ZRANB3: variants seen among roughly 807,000 people sequenced by gnomAD.
The protein encoded by ZRANB3 is DNA annealing helicase and endonuclease ZRANB3.
ZRANB3 carries 125 observed loss-of-function variants against 133.8 expected under a neutral mutation model. The observed-to-expected ratio is 0.93, with a 90% CI of 0.81 to 1.08. The LOEUF is 1.08. Ranked by LOEUF, ZRANB3 falls within the 50% of genes least tolerant of loss-of-function variation. The pLI, the probability that ZRANB3 is intolerant of heterozygous loss-of-function variation, is 0.00. For synonymous variants in ZRANB3, 387 were observed against 432.7 expected (o/e 0.89, Z 1.31); for missense variants, 1,229 against 1,275.5 (o/e 0.96, Z 0.56).
intron 2 of ZRANB3, among the ~76,000 whole-genome samples, chr2:135,411,839 C>A (rs1267467431): frequency 6.6e-6 from 1 of 152,010 alleles, no homozygotes; most frequent in Non-Finnish European, 1.5e-5. Flanking sequence ...ATGGGTTCAC[C>A]AGAAGCCCAA....
At chr2:135,448,486 T>C (rs779608863) in intron 2 of ZRANB3, among the ~76,000 whole-genome samples, 1 of 152,178 alleles carries the variant, frequency 6.6e-6, no homozygotes, top group Non-Finnish European at 1.5e-5. Context: ...TACTAAGACA[T>C]TCACTATAAC....
intron 8 of ZRANB3, among the ~76,000 whole-genome samples, chr2:135,306,065 A>G (rs1016012655): frequency 1.3e-5 from 2 of 152,070 alleles, no homozygotes; most frequent in Non-Finnish European, 2.9e-5. Context: ...AGACCTTTTC[A>G]GGTTGTATCT....
intron 9 of ZRANB3, among the ~76,000 whole-genome samples, chr2:135,273,234 T>TA (rs1408769467): frequency 6.6e-6 from 1 of 151,484 alleles, no homozygotes; most frequent in Non-Finnish European, 1.5e-5. Context: ...ATTCAACTTC[T>TA]AAAAATGATA....
chr2:135,360,621 C>T (rs935914452), intron 3 of ZRANB3, among the ~76,000 whole-genome samples: 2 of 151,808 alleles, frequency 1.3e-5, no homozygotes, highest in East Asian at 1.9e-4. Context: ...AGGAGAATGG[C>T]GTGAACCCGG....
At chr2:135,436,419 A>G (rs1689534231) in intron 2 of ZRANB3, among the ~76,000 whole-genome samples, 1 of 152,198 alleles carries the variant, frequency 6.6e-6, no homozygotes. Context: ...TCAAATTGGC[A>G]GGATACAAAA....
chr2:135,429,532 A>G (rs1466319219), intron 2 of ZRANB3, among the ~76,000 whole-genome samples: 5 of 152,214 alleles, frequency 3.3e-5, no homozygotes, highest in African/African-American at 1.2e-4. Context: ...TTTAAAAAAA[A>G]TAACTTGCAA....
At chr2:135,468,945 A>G (rs1224468610) in intron 2 of ZRANB3, among the ~76,000 whole-genome samples, 1 of 152,212 alleles carries the variant, frequency 6.6e-6, no homozygotes, top group South Asian at 2.1e-4. Flanking sequence ...TACTATTTGC[A>G]TACAGTAGGA....
At chr2:135,374,927 G>A (rs1233904235) in intron 3 of ZRANB3, among the ~76,000 whole-genome samples, 2 of 152,162 alleles carry the variant, frequency 1.3e-5, no homozygotes. Context: ...AAGAAGATAT[G>A]CAGATGGCAG....
At chr2:135,337,681 G>A (rs1558926447) in intron 6 of ZRANB3, among the ~76,000 whole-genome samples, 1 of 152,076 alleles carries the variant, frequency 6.6e-6, no homozygotes, top group Admixed American at 6.6e-5. Context: ...AATTAATTAT[G>A]CCCCCAGTTA....
chr2:135,462,004 T>C (rs1238966584), intron 2 of ZRANB3, among the ~76,000 whole-genome samples: 2 of 152,166 alleles, frequency 1.3e-5, no homozygotes, highest in African/African-American at 4.8e-5. Flanking sequence ...AGGTGCGGGA[T>C]AGAGTTGGAC....
intron 5 of ZRANB3, among the ~76,000 whole-genome samples, chr2:135,348,657 A>G (rs1685056103): frequency 6.6e-6 from 1 of 152,052 alleles, no homozygotes; most frequent in African/African-American, 2.4e-5. Context: ...TGCAATGGTG[A>G]GATCTCAGCT....
At chr2:135,288,027 T>A (rs529633918) in intron 8 of ZRANB3, among the ~76,000 whole-genome samples, 92 of 152,288 alleles carry the variant, frequency 6.0e-4, no homozygotes, top group Non-Finnish European at 1.1e-3. Context: ...CAGGGGGGAA[T>A]GCTTTCAACT....
intron 3 of ZRANB3, among the ~76,000 whole-genome samples, chr2:135,374,792 G>A (rs1369057138): frequency 2.0e-5 from 3 of 152,088 alleles, no homozygotes; most frequent in African/African-American, 7.2e-5. Context: ...GTGAGCCACC[G>A]TGCCCGACCT....
chr2:135,517,567 C>T (rs1693752357), intron 1 of ZRANB3, among the ~76,000 whole-genome samples: 1 of 152,210 alleles, frequency 6.6e-6, no homozygotes, highest in Non-Finnish European at 1.5e-5. Flanking sequence ...TAGAGGTCCA[C>T]TCAAGACTCT....
chr2:135,515,893 C>T (rs1216325372), intron 1 of ZRANB3, among the ~76,000 whole-genome samples: 1 of 152,054 alleles, frequency 6.6e-6, no homozygotes, highest in Non-Finnish European at 1.5e-5. Flanking sequence ...AAATCTCCTA[C>T]TATTATCGTA....
chr2:135,305,240 G>A (rs764627854), intron 8 of ZRANB3, among the ~76,000 whole-genome samples: 17 of 152,178 alleles, frequency 1.1e-4, no homozygotes, highest in Non-Finnish European at 1.9e-4. Context: ...GATTACAGGC[G>A]TGAGCCACTG....
At chr2:135,394,824 T>C (rs1354528275) in intron 2 of ZRANB3, among the ~76,000 whole-genome samples, 1 of 151,822 alleles carries the variant, frequency 6.6e-6, no homozygotes, top group East Asian at 1.9e-4. Flanking sequence ...TCTAGTTATG[T>C]AAAAGATACT....
intron 17 of ZRANB3, among the ~76,000 whole-genome samples, chr2:135,214,084 A>C (rs1269790990): frequency 2.6e-5 from 4 of 152,222 alleles, no homozygotes; most frequent in East Asian, 1.9e-4. Flanking sequence ...AAGCTTATCA[A>C]CTAGAGCCCA....
At chr2:135,381,466 C>T (rs1686695467) in intron 3 of ZRANB3, among the ~76,000 whole-genome samples, 1 of 152,200 alleles carries the variant, frequency 6.6e-6, no homozygotes, top group Non-Finnish European at 1.5e-5. Flanking sequence ...CCTCTGGAGA[C>T]TTAAATGTCC....
Sources: allele counts gnomAD v4.1 joint callset (sites outside exome capture counted in the v4.1 genomes callset), GRCh38; gene constraint gnomAD v4.1.1; transcripts MANE v1.5; gene names NCBI Gene and HGNC (gene_info 2026-07-23, HGNC 2026-07-21).